The following BIRC6 variants were observed in gnomAD, a reference collection of about 807,000 sequenced individuals.
BIRC6 encodes the protein dual E2 ubiquitin-conjugating enzyme/E3 ubiquitin-protein ligase BIRC6.
A neutral mutation model predicts 503.3 loss-of-function variants in BIRC6; 98 were observed. The ratio of observed to expected loss-of-function variants is 0.19; its 90% CI spans 0.17 to 0.23. BIRC6 has a LOEUF of 0.23. Ranked by LOEUF, BIRC6 falls within the 10% of genes least tolerant of loss-of-function variation. BIRC6 has a pLI of 1.00. For synonymous variants in BIRC6, 2,240 were observed against 2,078.7 expected, an observed-to-expected ratio of 1.08 and a Z score of -2.11; for missense variants, 5,360 against 5,806.0, an observed-to-expected ratio of 0.92 and a Z score of 2.50.
chr2:32,432,972 T>C (rs766971167), intron 12 of BIRC6, among the ~76,000 whole-genome samples: 14 of 152,110 alleles, frequency 9.2e-5, no homozygotes, highest in Non-Finnish European at 1.9e-4. Flanking sequence ...GCTTGGACCA[T>C]TGTGATAGTG....
chr2:32,470,121 A>G, intron 30 of BIRC6, 47 bp from the exon 31 acceptor site: 3 of 1,351,722 alleles, frequency 2.2e-6, no homozygotes, highest in Non-Finnish European at 1.9e-6. Flanking sequence ...AAATTGAACA[A>G]TCGAATTGAT....
chr2:32,543,869 A>G (rs1025257323), intron 62 of BIRC6, among the ~76,000 whole-genome samples: 1 of 152,212 alleles, frequency 6.6e-6, no homozygotes, highest in Admixed American at 6.5e-5. Flanking sequence ...GTACATAAAC[A>G]TGTATACTTA....
Position 32,618,519 on chromosome 2 carries a change from C to T in BIRC6, c.*615C>T, listed in dbSNP as rs2063372127. The T allele has an allele frequency of 2.6e-5, 4 of 152,452 alleles. No homozygotes were observed. The South Asian group carries it at 8.3e-4, about 32-fold the overall frequency. The allele number at this position is 152,452 out of a possible 1,614,324, so 9.4% of individuals were successfully genotyped here. A position where few individuals can be genotyped will look rare whatever the true frequency, so the allele number is the denominator to read the frequency against. On this transcript the variant is annotated 3_prime_UTR_variant, in exon 74 of 74. Transcript: ENST00000421745. ...CTTGTATGGATGAATTTATTACATT[C>T]AACATATTTAATTTTATGCCTTCTA...
chr2:32,573,496 A>G (rs2060056855), intron 65 of BIRC6, among the ~76,000 whole-genome samples: 1 of 152,148 alleles, frequency 6.6e-6, no homozygotes. Flanking sequence ...GCGCCCTGCC[A>G]GTAAATGTTT....
In BIRC6 at chr2:32,482,476, C is replaced by G; in HGVS notation, c.7590C>G (p.Thr2530=). 1 of 1,613,840 alleles carries G rather than the reference C, an allele frequency of 6.2e-7. No individual in the cohort carries two copies. The highest frequency in any genetic ancestry group is 8.5e-7 in the Non-Finnish European group (1 of 1,179,826). ...WYDYWGADYG[T]YNYNPYIGGL... is the part of the protein sequence containing the mutation. ...ATTATTGGGGTGCTGATTATGGGACCTACAATTACAACCCTTACATTGGAG... is the reference window on the plus strand; with the variant it reads ...ATTATTGGGGTGCTGATTATGGGACGTACAATTACAACCCTTACATTGGAG... The change falls in exon 39 of 74, where the codon ACC becomes ACG. Residue 2530 remains threonine, a synonymous_variant. Coordinates refer to ENST00000421745, the MANE Select transcript of BIRC6 (RefSeq NM_016252.4).
At chr2:32,608,782 T>A (rs1289540555) in intron 72 of BIRC6, among the ~76,000 whole-genome samples, 1 of 152,198 alleles carries the variant, frequency 6.6e-6, no homozygotes, top group Non-Finnish European at 1.5e-5. Context: ...GATATATTTC[T>A]CATTGAACTG....
At chr2:32,497,364 TCATAA>T (rs767555442) in intron 45 of BIRC6, among the ~76,000 whole-genome samples, 1 of 152,256 alleles carries the variant, frequency 6.6e-6, no homozygotes, top group Non-Finnish European at 1.5e-5. Context: ...ACACCCTTGG[TCATAA>T]CATATCAGTC....
At chr2:32,426,955 C>T (rs1329188011) in intron 10 of BIRC6, among the ~76,000 whole-genome samples, 1 of 152,162 alleles carries the variant, frequency 6.6e-6, no homozygotes, top group African/African-American at 2.4e-5. Context: ...CATTCCATTG[C>T]CTCTGGTCTC....
intron 3 of BIRC6, among the ~76,000 whole-genome samples, chr2:32,385,661 C>T (rs1373900240): frequency 2.0e-5 from 3 of 152,198 alleles, no homozygotes; most frequent in Non-Finnish European, 2.9e-5. Flanking sequence ...CTTCTAGTGT[C>T]AGTGTCATTG....
Position 32,478,675 on chromosome 2 carries a change from A to C in BIRC6, c.7109A>C (p.His2370Pro). Residue 2370 changes from histidine (H) to proline (P), a missense_variant, in exon 36 of 74, where the codon CAT (histidine) becomes CCT (proline). By Grantham distance (77) the His-to-Pro change is moderately conservative (BLOSUM62 -2). Coordinates refer to ENST00000421745, the MANE Select transcript of BIRC6 (RefSeq NM_016252.4). ...GCAAATGCCACGAGGCCAACTATTC[A>C]TCTGTGTGAGATTGTGAACGAACCC... is the stretch of plus-strand genomic sequence containing the variant. ...RIANATRPTIHLCEIVNEPQL... is the reference protein window; with the variant it reads ...RIANATRPTIPLCEIVNEPQL... 1.2e-6 allele frequency: 2 copies of C among 1,613,822 alleles called. No homozygotes were observed. Among genetic ancestry groups the C allele is most frequent in the Non-Finnish European group, 1.7e-6 (2 of 1,179,834 alleles).
intron 3 of BIRC6, among the ~76,000 whole-genome samples, chr2:32,381,001 A>G (rs759855969): frequency 2.3e-4 from 35 of 152,258 alleles, no homozygotes; most frequent in Admixed American, 2.3e-3. Context: ...TATATGAGAG[A>G]CAGTGCTTTC....
At chr2:32,617,036 C>T (rs1462379379) in intron 73 of BIRC6, among the ~76,000 whole-genome samples, 2 of 152,162 alleles carry the variant, frequency 1.3e-5, no homozygotes, top group African/African-American at 4.8e-5. Context: ...GTTGAGGCTG[C>T]ATGAGCTGTG....
At chr2:32,432,800 A>G (rs927803632) in intron 12 of BIRC6, among the ~76,000 whole-genome samples, 3 of 150,798 alleles carry the variant, frequency 2.0e-5, no homozygotes, top group Non-Finnish European at 4.4e-5. Flanking sequence ...GTGAGATGGG[A>G]AAGTGTTAGC....
intron 35 of BIRC6, among the ~76,000 whole-genome samples, chr2:32,477,954 AAATGTAAGT>A (rs2049952376): frequency 6.6e-6 from 1 of 152,136 alleles, no homozygotes; most frequent in Non-Finnish European, 1.5e-5. Context: ...TGAGGGTTTG[AAATGTAAGT>A]AATGTGGATA....
At chr2:32,552,961 T>C (rs2058525888) in intron 65 of BIRC6, among the ~76,000 whole-genome samples, 1 of 149,602 alleles carries the variant, frequency 6.7e-6, no homozygotes. Flanking sequence ...TTAATATCAT[T>C]TAGGAGGCAT....
chr2:32,545,436 A>G (rs776629322), intron 62 of BIRC6, among the ~76,000 whole-genome samples: 3 of 152,190 alleles, frequency 2.0e-5, no homozygotes, highest in Non-Finnish European at 2.9e-5. Flanking sequence ...AGGTTTATGT[A>G]TACCGTGTCT....
rs2061929562 is a variant in BIRC6 at position 32,599,739 on chromosome 2, G to A, written c.13831G>A (p.Val4611Ile). Residue 4611 changes from valine to isoleucine, a missense_variant and splice_region_variant, in exon 70 of 74, where the codon GTT becomes ATT. Val to Ile is a conservative substitution (Grantham distance 29, BLOSUM62 3). This residue lies in a region of BIRC6 where 66 missense variants were observed against 113.2 expected (regional missense o/e 0.58). Coordinates refer to ENST00000421745, the MANE Select transcript of BIRC6 (RefSeq NM_016252.4). The stretch of plus-strand genomic sequence containing the variant: ...CTTTTGTATGTTTATATATATCCAG[G>A]TTCTAATAACTGGTCCAGCGGACAC... ...CDEERLDIMKVLITGPADTPY... is the reference protein window; with the variant it reads ...CDEERLDIMKILITGPADTPY... 1 of 1,612,498 alleles carries A rather than the reference G, an allele frequency of 6.2e-7. No individual in the cohort carries two copies. The highest frequency in any genetic ancestry group is 1.1e-5 in the South Asian group (1 of 91,028).
intron 10 of BIRC6, among the ~76,000 whole-genome samples, chr2:32,416,890 G>C (rs2042433685): frequency 6.9e-6 from 1 of 145,118 alleles, no homozygotes; most frequent in Admixed American, 7.2e-5. Flanking sequence ...AAGCTGAAGT[G>C]CAGTGGCCCA....
rs763668888 is a variant in BIRC6 at position 32,513,132 on chromosome 2, C to T, written c.10546C>T (p.Leu3516Phe). The T allele has an allele frequency of 1.9e-6, 3 of 1,613,322 alleles. No individual in the cohort carries two copies. The highest frequency in any genetic ancestry group is 2.2e-5 in the South Asian group (2 of 91,056). Residue 3516 changes from leucine (L) to phenylalanine (F), a missense_variant, in exon 54 of 74, where the codon CTC (leucine) becomes TTC (phenylalanine). Around this residue, in one of 16 missense-constraint regions of BIRC6, gnomAD observed 878 missense variants for 928.9 expected, o/e 0.95. Transcript: ENST00000421745. ...ELLVEYDLPA[L>F]LDQELFELLF... ...GCTTGTAGAATATGACTTACCAGCACTCCTGGACCAAGAGCTCTTTGAGTA... is the reference window on the plus strand; with the variant it reads ...GCTTGTAGAATATGACTTACCAGCATTCCTGGACCAAGAGCTCTTTGAGTA...
Sources: allele counts gnomAD v4.1 joint callset (sites outside exome capture counted in the v4.1 genomes callset), GRCh38; gene constraint gnomAD v4.1.1; regional missense constraint gnomAD v4.1.1; transcripts MANE v1.5; gene names NCBI Gene and HGNC (gene_info 2026-07-23, HGNC 2026-07-21).